CMSS1: variants seen among roughly 807,000 people sequenced by gnomAD.
CMSS1 encodes cms1 ribosomal small subunit homolog, also known as protein CMSS1.
A neutral mutation model predicts 43.5 loss-of-function variants in CMSS1; 33 were observed. That is an observed-to-expected ratio of 0.76 (90% confidence interval 0.57 to 1.01). The LOEUF (loss-of-function observed/expected upper bound fraction) is 1.01. Ranked by LOEUF, CMSS1 falls within the 50% of genes least tolerant of loss-of-function variation. The probability of loss-of-function intolerance (pLI) is 0.00; values close to 1 mark genes in which losing one functional copy is unlikely to be tolerated. For missense variants in CMSS1, 313 were observed against 326.4 expected, an observed-to-expected ratio of 0.96 and a Z score of 0.32; for synonymous variants, 115 against 117.2, an observed-to-expected ratio of 0.98 and a Z score of 0.12.
chr3:99,836,876 A>C (rs1313685199), intron 1 of CMSS1, among the ~76,000 whole-genome samples: 1 of 152,194 alleles, frequency 6.6e-6, no homozygotes, highest in Admixed American at 6.5e-5. Flanking sequence ...ATAAACTTGT[A>C]CTCGCAGAAA....
chr3:100,040,044 T>A (rs2065178083), intron 1 of CMSS1: 1 of 152,190 alleles, frequency 6.6e-6, no homozygotes, highest in Non-Finnish European at 1.5e-5. Context: ...TGAGCCACCG[T>A]GCCTGGCCTC....
At chr3:100,087,651 C>G (rs948273580) in intron 1 of CMSS1, among the ~76,000 whole-genome samples, 2 of 151,720 alleles carry the variant, frequency 1.3e-5, no homozygotes, top group Non-Finnish European at 2.9e-5. Context: ...ATATAACTTG[C>G]GAGTTTTTTT....
intron 1 of CMSS1, among the ~76,000 whole-genome samples, chr3:100,092,644 G>A (rs1484456132): frequency 3.4e-5 from 5 of 147,152 alleles, no homozygotes; most frequent in East Asian, 2.0e-4. Flanking sequence ...CTAGAATAAC[G>A]CCTGGTATCT....
At chr3:99,902,653 C>A (rs1178045323) in intron 1 of CMSS1, among the ~76,000 whole-genome samples, 2 of 152,178 alleles carry the variant, frequency 1.3e-5, no homozygotes, top group African/African-American at 4.8e-5. Flanking sequence ...AAAAGATTAA[C>A]AAGTCAACAA....
chr3:100,142,883 T>C (rs551714169), intron 1 of CMSS1, among the ~76,000 whole-genome samples: 1 of 152,338 alleles, frequency 6.6e-6, no homozygotes, highest in South Asian at 2.1e-4. Flanking sequence ...CTGGGTCAAG[T>C]ACTTTGGGCA....
chr3:99,981,738 C>T (rs1034056938), intron 1 of CMSS1, among the ~76,000 whole-genome samples: 3 of 152,140 alleles, frequency 2.0e-5, no homozygotes, highest in Admixed American at 6.5e-5. Context: ...TTCCAAATTG[C>T]GTGCTATTTT....
intron 1 of CMSS1, among the ~76,000 whole-genome samples, chr3:100,000,211 A>G (rs1372847334): frequency 6.6e-6 from 1 of 152,204 alleles, no homozygotes. Flanking sequence ...GTCTCTATCT[A>G]ATTATCACCT....
chr3:99,852,462 T>TA (rs972446924), intron 1 of CMSS1, among the ~76,000 whole-genome samples: 3 of 152,136 alleles, frequency 2.0e-5, no homozygotes, highest in African/African-American at 7.2e-5. Flanking sequence ...TATTTTATTT[T>TA]TTGAAATTGA....
At chr3:100,041,746 G>A (rs1422720836) in intron 1 of CMSS1, among the ~76,000 whole-genome samples, 1 of 152,150 alleles carries the variant, frequency 6.6e-6, no homozygotes, top group African/African-American at 2.4e-5. Context: ...TGTCTATGTA[G>A]CATGGTTTTA....
intron 1 of CMSS1, among the ~76,000 whole-genome samples, chr3:100,009,060 G>A (rs989253358): frequency 2.6e-5 from 4 of 152,110 alleles, no homozygotes; most frequent in African/African-American, 9.7e-5. Context: ...AAAATGACTG[G>A]TTTGCAGTAG....
intron 1 of CMSS1, among the ~76,000 whole-genome samples, chr3:99,863,137 A>G (rs976997170): frequency 2.0e-5 from 3 of 152,068 alleles, no homozygotes; most frequent in Admixed American, 6.6e-5. Context: ...GTGGTGGTGG[A>G]TGGTTTTGGG....
At chr3:100,029,603 T>C (rs895088304) in intron 1 of CMSS1, among the ~76,000 whole-genome samples, 2 of 152,182 alleles carry the variant, frequency 1.3e-5, no homozygotes, top group South Asian at 2.1e-4. Context: ...CCAGCCTAAA[T>C]AGTCTAATCA....
intron 1 of CMSS1, among the ~76,000 whole-genome samples, chr3:99,894,063 AT>A (rs1329206225): frequency 1.3e-5 from 2 of 152,172 alleles, no homozygotes; most frequent in Non-Finnish European, 2.9e-5. Flanking sequence ...GCTTCAGTAA[AT>A]TTTCTTTCCT....
rs76926149 is a variant in CMSS1, at chr3:99,839,737, A to G, written c.64+21694A>G. On this transcript the variant is annotated intron_variant, in intron 1 of 9. Transcript: ENST00000421999. The stretch of plus-strand genomic sequence containing the variant: ...CAAATATAGATGTTCAAGTATGAAC[A>G]TGCTCTCAGCCAGTCTGTCAAGTAA... Among the ~76,000 whole-genome samples, 631 of 152,372 alleles carry G rather than the reference A, an allele frequency of 4.1e-3. 3 individuals carry two copies. Among genetic ancestry groups the G allele is most frequent in the African/African-American group, 0.014 (602 of 41,574 alleles).
At chr3:99,867,605 T>C (rs1452068507) in intron 1 of CMSS1, among the ~76,000 whole-genome samples, 1 of 152,164 alleles carries the variant, frequency 6.6e-6, no homozygotes, top group Non-Finnish European at 1.5e-5. Context: ...CCTCATCTGC[T>C]TGTCACCTTA....
At chr3:99,953,792 T>C (rs561830107) in intron 1 of CMSS1, among the ~76,000 whole-genome samples, 6 of 152,306 alleles carry the variant, frequency 3.9e-5, no homozygotes, top group South Asian at 4.1e-4. Context: ...ACAGTCCACA[T>C]AGGCAATTAG....
At chr3:99,849,903 C>G (rs777482850) in intron 1 of CMSS1, 5 of 1,611,952 alleles carry the variant, frequency 3.1e-6, no homozygotes, top group Non-Finnish European at 3.4e-6. Flanking sequence ...ATGATTGAAG[C>G]CTATTTTTCA....
chr3:99,961,547 T>C (rs1192619538), intron 1 of CMSS1, among the ~76,000 whole-genome samples: 1 of 152,198 alleles, frequency 6.6e-6, no homozygotes, highest in Non-Finnish European at 1.5e-5. Flanking sequence ...GACGTGCAGC[T>C]GAATACTGGT....
chr3:99,835,573 G>A (rs1942864051), intron 1 of CMSS1, among the ~76,000 whole-genome samples: 1 of 152,198 alleles, frequency 6.6e-6, no homozygotes, highest in East Asian at 1.9e-4. Context: ...AGCCTGTTAG[G>A]ATGCAGAATC....
Sources: gnomAD v4.1 joint callset for allele counts (sites outside exome capture counted in the v4.1 genomes callset) on GRCh38, gnomAD v4.1.1 for gene constraint, MANE v1.5 for transcripts, NCBI Gene and HGNC (gene_info 2026-07-23, HGNC 2026-07-21) for gene names.